LMCD1: variants seen among roughly 807,000 people sequenced by gnomAD.
LMCD1 encodes the protein LIM and cysteine-rich domains protein 1.
A neutral mutation model predicts 42.7 loss-of-function variants in LMCD1; 32 were observed. The observed-to-expected ratio is 0.75, with a 90% confidence interval of 0.57 to 1.01. The LOEUF is 1.01. Among genes scored for constraint, LMCD1 ranks in the 50% least tolerant of loss-of-function variants. LMCD1 has a pLI of 0.00. For missense variants in LMCD1, 458 were observed against 483.1 expected, an observed-to-expected ratio of 0.95 and a Z score of 0.49; for synonymous variants, 178 against 184.9, an observed-to-expected ratio of 0.96 and a Z score of 0.30.
At chr3:8,546,837 T>G (rs1212829630) in intron 3 of LMCD1, among the ~76,000 whole-genome samples, 1 of 152,200 alleles carries the variant, frequency 6.6e-6, no homozygotes, top group African/African-American at 2.4e-5. Context: ...GACACAGGTT[T>G]TGTGAGGGCA....
In LMCD1 at chr3:8,548,557, C is replaced by T. The variant is rs1303839499; in HGVS notation, c.388-11C>T. ...CACATCATGTTGTCTCTTCCTCCTC[C>T]TCCTCCCTAGGGACTGCAGTACATG... On this transcript the variant is annotated splice_polypyrimidine_tract_variant and intron_variant, in intron 3 of 5. Transcript: ENST00000157600. 1.3e-6 allele frequency: 2 copies of T among 1,574,788 alleles called. No homozygotes were observed. Among genetic ancestry groups the T allele is most frequent in the South Asian group, 1.2e-5 (1 of 86,322 alleles).
At chr3:8,523,647 C>T (rs992932939) in intron 1 of LMCD1, among the ~76,000 whole-genome samples, 14 of 152,372 alleles carry the variant, frequency 9.2e-5, no homozygotes, top group African/African-American at 3.4e-4. Context: ...AAAGGATAAA[C>T]ATGGAGCAGC....
intron 1 of LMCD1, among the ~76,000 whole-genome samples, chr3:8,508,926 G>C (rs1234690555): frequency 6.6e-6 from 1 of 152,148 alleles, no homozygotes; most frequent in Admixed American, 6.5e-5. Context: ...GCCACTTCGA[G>C]GAGCCGTTAA....
intron 4 of LMCD1, among the ~76,000 whole-genome samples, chr3:8,557,377 A>C (rs771778985): frequency 6.6e-6 from 1 of 152,238 alleles, no homozygotes; most frequent in Non-Finnish European, 1.5e-5. Flanking sequence ...CAGTGCCTGA[A>C]TTCAAGGCCC....
chr3:8,531,702 C>T lies in LMCD1; in HGVS notation c.43-1035C>T, dbSNP rs1223736475. ...ATGAATGTGTTTTTCTCTCCATATC[C>T]CCCTAGCTAACAGTGAGTTCCACTA... On this transcript the variant is annotated intron_variant, in intron 1 of 5. Transcript: ENST00000157600. Among the ~76,000 whole-genome samples, 15 of 152,152 alleles carry T rather than the reference C, an allele frequency of 9.9e-5. No homozygotes were observed. In the East Asian group the frequency reaches 2.7e-3, roughly 27 times the overall value.
intron 1 of LMCD1, among the ~76,000 whole-genome samples, chr3:8,506,737 A>G (rs1195883263): frequency 6.6e-6 from 1 of 152,242 alleles, no homozygotes; most frequent in African/African-American, 2.4e-5. Context: ...TATTTTAAGA[A>G]CAGATTTCTG....
chr3:8,517,244 C>T (rs1694117077), intron 1 of LMCD1, among the ~76,000 whole-genome samples: 1 of 152,152 alleles, frequency 6.6e-6, no homozygotes, highest in Non-Finnish European at 1.5e-5. Context: ...CATGTACATA[C>T]ACTTTGTTTT....
intron 4 of LMCD1, chr3:8,551,241 A>G (rs1202438307): frequency 1.0e-6 from 1 of 983,982 alleles, no homozygotes; most frequent in Admixed American, 6.1e-5. Flanking sequence ...ATTGATATAC[A>G]TAGCCATTGC....
chr3:8,516,907 A>G (rs905605589), intron 1 of LMCD1, among the ~76,000 whole-genome samples: 3 of 152,234 alleles, frequency 2.0e-5, no homozygotes. Context: ...AAGATAAAAT[A>G]GAGGCCTTAC....
At chr3:8,562,343 G>T (rs1695054371) in intron 4 of LMCD1, among the ~76,000 whole-genome samples, 1 of 152,162 alleles carries the variant, frequency 6.6e-6, no homozygotes, top group African/African-American at 2.4e-5. Context: ...CTGCTCCTTT[G>T]CCATGCCAGA....
chr3:8,528,952 G>GAA (rs991804196), intron 1 of LMCD1, among the ~76,000 whole-genome samples: 2 of 152,078 alleles, frequency 1.3e-5, no homozygotes, highest in African/African-American at 2.4e-5. Flanking sequence ...CCAAGCCAAG[G>GAA]AAAATCGTCA....
At chr3:8,555,795 G>A (rs1314020646) in intron 4 of LMCD1, among the ~76,000 whole-genome samples, 1 of 106,106 alleles carries the variant, frequency 9.4e-6, no homozygotes, top group Non-Finnish European at 1.7e-5. Context: ...AACTTTTTCT[G>A]TACAGGGCAT....
intron 1 of LMCD1, among the ~76,000 whole-genome samples, chr3:8,529,836 A>T (rs886695425): frequency 5.3e-5 from 8 of 152,208 alleles, no homozygotes; most frequent in Admixed American, 4.6e-4. Flanking sequence ...TCTTCACAAG[A>T]TGTAATTAAT....
chr3:8,551,396 C>T (rs1391669499), intron 4 of LMCD1: 2 of 931,788 alleles, frequency 2.1e-6, no homozygotes, highest in Non-Finnish European at 2.6e-6. Context: ...ACACTATGCT[C>T]ACACTGTCAG....
Position 8,572,700 on chromosome 3 carries a change from T to C in LMCD1, c.*5102T>C, listed in dbSNP as rs1695238176. On this transcript the variant is annotated 3_prime_UTR_variant, in exon 6 of 6. Transcript: ENST00000157600. Reference sequence around the variant, plus strand: ...ATAATTGATTACCATCCTTATTTATTTTAATGCTCAAATTGTCCCAAATTA... The same window carrying C: ...ATAATTGATTACCATCCTTATTTATCTTAATGCTCAAATTGTCCCAAATTA... 1 of 152,234 alleles carries C rather than the reference T, an allele frequency of 6.6e-6. No homozygotes were observed. Among genetic ancestry groups the C allele is most frequent in the Non-Finnish European group, 1.5e-5 (1 of 68,034 alleles). 9.4% of individuals were successfully genotyped at this position (152,234 alleles called of 1,614,324 possible). A position where few individuals can be genotyped will look rare whatever the true frequency, so the allele number is the denominator to read the frequency against.
At chr3:8,502,756 C>T (rs1439796966) in intron 1 of LMCD1, among the ~76,000 whole-genome samples, 2 of 152,054 alleles carry the variant, frequency 1.3e-5, no homozygotes, top group African/African-American at 4.8e-5. Context: ...TGCACAGGAG[C>T]CTGCGGCTGT....
rs376457044 is a variant in LMCD1 at position 8,524,603 on chromosome 3, T to C, written c.43-8134T>C. ...CCACAAGCTGCTTATGAAAAGGGAA[T>C]TTTTTTCAGCCTTATTGAGGTATAA... On this transcript the variant is annotated intron_variant, in intron 1 of 5. Coordinates refer to ENST00000157600, the MANE Select transcript of LMCD1 (RefSeq NM_014583.4). Among the ~76,000 whole-genome samples, 7 of 152,280 alleles carry C rather than the reference T, an allele frequency of 4.6e-5. No individual in the cohort carries two copies. The South Asian group carries it at 8.3e-4, about 18-fold the overall frequency.
At chr3:8,537,125 G>A (rs988484715) in intron 2 of LMCD1, 60 bp from the exon 3 acceptor site, 4 of 1,568,106 alleles carry the variant, frequency 2.6e-6, no homozygotes, top group Non-Finnish European at 2.6e-6. Context: ...CTGCTAGCAG[G>A]AGAATGTGCC....
rs145249121 is a variant in LMCD1, at chr3:8,537,230, A to G, written c.177A>G (p.Leu59=). The G allele has an allele frequency of 9.2e-5, 149 of 1,614,036 alleles. No homozygotes were observed. Among genetic ancestry groups the G allele is most frequent in the African/African-American group, 2.7e-5 (2 of 74,912 alleles). ...SCKCSQEDHC[L]TSDLEDDRKI... ...AATGCAGCCAAGAGGACCACTGCCT[A>G]ACATCTGACCTAGAAGACGATCGGA... Residue 59 remains leucine, a synonymous_variant, in exon 3 of 6, where the codon CTA becomes CTG. Transcript: ENST00000157600.
Sources: allele counts gnomAD v4.1 joint callset (sites outside exome capture counted in the v4.1 genomes callset), GRCh38; gene constraint gnomAD v4.1.1; transcripts MANE v1.5; gene names NCBI Gene and HGNC (gene_info 2026-07-23, HGNC 2026-07-21).